The following CDKAL1 variants were observed in gnomAD, a reference collection of about 807,000 sequenced individuals.
CDKAL1 encodes the protein threonylcarbamoyladenosine tRNA methylthiotransferase.
Under a neutral mutation model 68.2 loss-of-function variants are expected in CDKAL1, and 32 were observed. That is an observed-to-expected ratio of 0.47 (90% CI 0.35 to 0.63). CDKAL1 has a LOEUF of 0.63. Ranked by LOEUF, CDKAL1 falls within the 30% of genes least tolerant of loss-of-function variation. CDKAL1 has a pLI of 0.00. For missense variants in CDKAL1, 606 were observed against 696.7 expected (o/e 0.87, Z 1.47); for synonymous variants, 234 against 244.3 (o/e 0.96, Z 0.39).
At chr6:20,923,291 G>T (rs182209703) in intron 9 of CDKAL1, among the ~76,000 whole-genome samples, 1 of 152,188 alleles carries the variant, frequency 6.6e-6, no homozygotes, top group Non-Finnish European at 1.5e-5. Flanking sequence ...TGTAGATATT[G>T]TAAGTTTTTT....
chr6:21,146,436 C>T (rs923797671), intron 13 of CDKAL1, among the ~76,000 whole-genome samples: 2 of 152,066 alleles, frequency 1.3e-5, no homozygotes, highest in Non-Finnish European at 2.9e-5. Context: ...CAGGTAGGTT[C>T]GGCTCAGAAT....
intron 9 of CDKAL1, among the ~76,000 whole-genome samples, chr6:20,880,840 T>C (rs1760774770): frequency 6.6e-6 from 1 of 152,166 alleles, no homozygotes; most frequent in South Asian, 2.1e-4. Flanking sequence ...TTATTATTGG[T>C]TCATGCACAG....
At chr6:20,817,297 A>T (rs1312284336) in intron 8 of CDKAL1, among the ~76,000 whole-genome samples, 1 of 152,134 alleles carries the variant, frequency 6.6e-6, no homozygotes, top group African/African-American at 2.4e-5. Flanking sequence ...CAGCCCATTT[A>T]AAAAAATTGA....
At chr6:20,880,664 T>C (rs1325269420) in intron 9 of CDKAL1, among the ~76,000 whole-genome samples, 1 of 152,186 alleles carries the variant, frequency 6.6e-6, no homozygotes, top group East Asian at 1.9e-4. Flanking sequence ...CTATGGCCTG[T>C]ATCTTATACT....
chr6:20,954,019 T>G (rs906271827), intron 9 of CDKAL1, among the ~76,000 whole-genome samples: 11 of 152,342 alleles, frequency 7.2e-5, no homozygotes, highest in Admixed American at 5.9e-4. Flanking sequence ...CTTATTTCTA[T>G]CCTTGTATTT....
intron 7 of CDKAL1, among the ~76,000 whole-genome samples, chr6:20,767,716 A>G (rs1235674557): frequency 2.0e-5 from 3 of 152,222 alleles, no homozygotes; most frequent in Admixed American, 6.5e-5. Flanking sequence ...TTGGTACAGG[A>G]TTATTACAAT....
intron 4 of CDKAL1, among the ~76,000 whole-genome samples, chr6:20,556,191 C>T (rs576673188): frequency 1.4e-4 from 21 of 151,898 alleles, no homozygotes; most frequent in African/African-American, 4.6e-4. Context: ...ATGGTGAAGC[C>T]CCGTCTTTAC....
intron 5 of CDKAL1, among the ~76,000 whole-genome samples, chr6:20,720,566 G>A (rs1489530918): frequency 4.6e-5 from 7 of 152,128 alleles, no homozygotes; most frequent in Non-Finnish European, 2.9e-5. Context: ...GAGTGCAGTG[G>A]TGTGATCTCG....
chr6:20,776,505 C>T (rs914793767), intron 7 of CDKAL1, among the ~76,000 whole-genome samples: 2 of 152,014 alleles, frequency 1.3e-5, no homozygotes, highest in Non-Finnish European at 2.9e-5. Context: ...AAAGTTGTAC[C>T]GGAGATATTT....
chr6:20,671,910 C>T (rs1008897113), intron 5 of CDKAL1, among the ~76,000 whole-genome samples: 4 of 151,992 alleles, frequency 2.6e-5, no homozygotes, highest in Non-Finnish European at 5.9e-5. Context: ...GGTGCTTACA[C>T]TAGCACTATT....
At chr6:20,832,720 G>T (rs1259969962) in intron 8 of CDKAL1, among the ~76,000 whole-genome samples, 1 of 152,002 alleles carries the variant, frequency 6.6e-6, no homozygotes, top group Non-Finnish European at 1.5e-5. Context: ...CCATTTACTT[G>T]GTTCTTTGAA....
At chr6:20,904,199 A>C (rs776399262) in intron 9 of CDKAL1, among the ~76,000 whole-genome samples, 8 of 151,670 alleles carry the variant, frequency 5.3e-5, no homozygotes, top group African/African-American at 1.2e-4. Context: ...CATTGTTGCA[A>C]GCCCCTCCTC....
At chr6:20,857,985 G>A (rs999047762) in intron 9 of CDKAL1, among the ~76,000 whole-genome samples, 9 of 152,152 alleles carry the variant, frequency 5.9e-5, no homozygotes, top group South Asian at 2.1e-4. Flanking sequence ...TCAGTCTCTC[G>A]AGTAACTGGG....
intron 8 of CDKAL1, among the ~76,000 whole-genome samples, chr6:20,829,293 T>C (rs1003870973): frequency 1.3e-5 from 2 of 152,344 alleles, no homozygotes; most frequent in African/African-American, 4.8e-5. Context: ...CCTCAGCAGC[T>C]ACACACCATT....
At chr6:21,045,928 C>T (rs534735921) in intron 11 of CDKAL1, among the ~76,000 whole-genome samples, 317 of 152,246 alleles carry the variant, frequency 2.1e-3, no homozygotes, top group African/African-American at 7.3e-3. Flanking sequence ...GCATCTGGCA[C>T]TATTTAACAT....
chr6:21,193,915 A>G (rs998220163), intron 13 of CDKAL1, among the ~76,000 whole-genome samples: 3 of 152,220 alleles, frequency 2.0e-5, no homozygotes, highest in African/African-American at 7.2e-5. Flanking sequence ...CCAAGACTGG[A>G]TAATTTATAA....
chr6:21,054,966 A>C (rs1263564018), intron 11 of CDKAL1, among the ~76,000 whole-genome samples: 2 of 151,826 alleles, frequency 1.3e-5, no homozygotes, highest in Admixed American at 1.3e-4. Context: ...GCTTTTTTGG[A>C]CTGACTAGAA....
At chr6:20,926,627 A>G (rs563493930) in intron 9 of CDKAL1, among the ~76,000 whole-genome samples, 1 of 152,182 alleles carries the variant, frequency 6.6e-6, no homozygotes, top group East Asian at 1.9e-4. Context: ...GAAATTTTGA[A>G]TGCAATATAT....
At chr6:20,878,726 A>G (rs902863040) in intron 9 of CDKAL1, among the ~76,000 whole-genome samples, 2 of 150,938 alleles carry the variant, frequency 1.3e-5, no homozygotes, top group Non-Finnish European at 2.9e-5. Flanking sequence ...ACAGAGCAAG[A>G]CTCTGTCTCA....
Sources: gnomAD v4.1 joint callset for allele counts (sites outside exome capture counted in the v4.1 genomes callset) on GRCh38, gnomAD v4.1.1 for gene constraint, MANE v1.5 for transcripts, NCBI Gene and HGNC (gene_info 2026-07-23, HGNC 2026-07-21) for gene names.